MSH3: variants seen among roughly 807,000 people sequenced by gnomAD.
MSH3 encodes the protein mutS homolog 3.
Under a neutral mutation model 123.3 loss-of-function variants are expected in MSH3, and 106 were observed. That is an observed-to-expected ratio of 0.86 (90% CI 0.73 to 1.01). The LOEUF is 1.01. Among genes scored for constraint, MSH3 ranks in the 50% least tolerant of loss-of-function variants. The pLI is 0.00. For synonymous variants in MSH3, 515 were observed against 481.4 expected (o/e 1.07, Z -0.91); for missense variants, 1,459 against 1,347.6 (o/e 1.08, Z -1.29).
chr5:80,817,571 AAATT>A (rs1006909670), intron 20 of MSH3, among the ~76,000 whole-genome samples: 5 of 152,100 alleles, frequency 3.3e-5, no homozygotes, highest in African/African-American at 7.2e-5. Context: ...AAAAATAAAT[AAATT>A]AATTAATTAA....
chr5:80,730,125 C>A (rs539001540), intron 10 of MSH3, among the ~76,000 whole-genome samples: 1 of 152,282 alleles, frequency 6.6e-6, no homozygotes, highest in East Asian at 1.9e-4. Flanking sequence ...TAAAAGCAAT[C>A]TAAATGCCCA....
At chr5:80,678,873 C>T (rs1209605964) in intron 7 of MSH3, 54 bp from the exon 8 acceptor site, 5 of 1,587,482 alleles carry the variant, frequency 3.1e-6, no homozygotes, top group Non-Finnish European at 4.3e-6. Context: ...GTGTTATAGC[C>T]ATAACTGGGG....
intron 3 of MSH3, among the ~76,000 whole-genome samples, chr5:80,668,644 G>A (rs1458106681): frequency 6.6e-6 from 1 of 152,200 alleles, no homozygotes; most frequent in African/African-American, 2.4e-5. Context: ...GAGAGGCCAG[G>A]CAGTCGGAGC....
intron 20 of MSH3, among the ~76,000 whole-genome samples, chr5:80,833,175 C>T (rs1202283791): frequency 6.6e-6 from 1 of 152,008 alleles, no homozygotes; most frequent in Admixed American, 6.6e-5. Context: ...AGTCAGCTGC[C>T]ACTCCTAAAA....
rs1434492542 is a variant in MSH3, at chr5:80,768,911, G to A, written c.2161G>A (p.Gly721Ser). ...AAAAAAGAGGAAGGATGAAATTCAA[G>A]GTGTTATTGACGAGATCCGAATGCA... ...LIKKRKDEIQGVIDEIRMHLQ... is the reference protein window; with the variant it reads ...LIKKRKDEIQSVIDEIRMHLQ... The change falls in exon 15 of 24, where the codon GGT becomes AGT. Residue 721 changes from glycine (G) to serine (S), a missense_variant. Transcript: ENST00000265081. The A allele has an allele frequency of 1.9e-6, 3 of 1,612,258 alleles. No homozygotes were observed. Among genetic ancestry groups the A allele is most frequent in the Admixed American group, 3.3e-5 (2 of 59,986 alleles).
chr5:80,762,768 T>A (rs1744058502), intron 13 of MSH3, among the ~76,000 whole-genome samples: 2 of 147,788 alleles, frequency 1.4e-5, no homozygotes, highest in Admixed American at 1.3e-4. Context: ...TTATTTTATT[T>A]TATTTTAATT....
intron 8 of MSH3, among the ~76,000 whole-genome samples, chr5:80,719,126 C>G (rs1354711933): frequency 1.3e-5 from 2 of 151,568 alleles, no homozygotes; most frequent in Non-Finnish European, 2.9e-5. Flanking sequence ...CGGCTCAGTG[C>G]AACCCCCGCC....
chr5:80,822,680 A>G (rs367795638), intron 20 of MSH3, among the ~76,000 whole-genome samples: 43 of 152,332 alleles, frequency 2.8e-4, no homozygotes, highest in African/African-American at 9.9e-4. Context: ...AATCTCCCTG[A>G]CACTTTCCCT....
At chr5:80,659,125 T>TC (rs1244064250) in intron 2 of MSH3, among the ~76,000 whole-genome samples, 1 of 151,706 alleles carries the variant, frequency 6.6e-6, no homozygotes, top group Non-Finnish European at 1.5e-5. Context: ...TCCCAGCTAC[T>TC]CAGGAGGCTG....
At chr5:80,811,379 A>G (rs1185403811) in intron 19 of MSH3, among the ~76,000 whole-genome samples, 2 of 152,106 alleles carry the variant, frequency 1.3e-5, no homozygotes, top group Non-Finnish European at 2.9e-5. Flanking sequence ...GGTGAATTAC[A>G]TTGATTGGCT....
intron 21 of MSH3, among the ~76,000 whole-genome samples, chr5:80,862,134 G>A (rs1409343480): frequency 2.6e-5 from 4 of 152,078 alleles, no homozygotes; most frequent in Non-Finnish European, 5.9e-5. Context: ...GCACAGTGTC[G>A]GATCCCAGAC....
chr5:80,750,223 A>G (rs903784008), intron 12 of MSH3, among the ~76,000 whole-genome samples: 2 of 152,062 alleles, frequency 1.3e-5, no homozygotes, highest in Admixed American at 6.6e-5. Context: ...TTTCTTCAAC[A>G]TACTGATTTC....
At chr5:80,828,482 C>T (rs1005701436) in intron 20 of MSH3, among the ~76,000 whole-genome samples, 2 of 152,286 alleles carry the variant, frequency 1.3e-5, no homozygotes, top group Admixed American at 1.3e-4. Context: ...GCATTCTGCC[C>T]CTGGCCCCCA....
chr5:80,685,593 C>T (rs1279113708), intron 8 of MSH3, among the ~76,000 whole-genome samples: 1 of 151,722 alleles, frequency 6.6e-6, no homozygotes, highest in Admixed American at 6.6e-5. Context: ...CCAATTTTAT[C>T]TTTTCAAAAA....
At chr5:80,828,650 C>T (rs966448880) in intron 20 of MSH3, among the ~76,000 whole-genome samples, 2 of 152,180 alleles carry the variant, frequency 1.3e-5, no homozygotes, top group Non-Finnish European at 2.9e-5. Flanking sequence ...AACGTGTTAC[C>T]TACTTCCAAA....
chr5:80,840,524 G>A (rs1393040805), intron 20 of MSH3, among the ~76,000 whole-genome samples: 2 of 151,674 alleles, frequency 1.3e-5, no homozygotes, highest in Non-Finnish European at 2.9e-5. Flanking sequence ...AGCAATTCTC[G>A]TGCCTCAACC....
At chr5:80,670,370 G>A in intron 4 of MSH3, 61 bp downstream of exon 4, 2 of 1,526,356 alleles carry the variant, frequency 1.3e-6, no homozygotes, top group Non-Finnish European at 9.0e-7. Flanking sequence ...ATATTTTTCA[G>A]TATTTTTGTT....
At chr5:80,844,153 T>A (rs976967863) in intron 20 of MSH3, among the ~76,000 whole-genome samples, 7 of 152,158 alleles carry the variant, frequency 4.6e-5, no homozygotes, top group Non-Finnish European at 1.5e-5. Flanking sequence ...CATTTCATTA[T>A]GTACCCAGTA....
intron 13 of MSH3, among the ~76,000 whole-genome samples, chr5:80,762,275 G>T (rs1020550979): frequency 5.3e-5 from 8 of 151,916 alleles, no homozygotes; most frequent in African/African-American, 1.2e-4. Context: ...ATTTTTAAAT[G>T]ATAAAACACT....
Sources: gnomAD v4.1 joint callset for allele counts (sites outside exome capture counted in the v4.1 genomes callset) on GRCh38, gnomAD v4.1.1 for gene constraint, MANE v1.5 for transcripts, NCBI Gene and HGNC (gene_info 2026-07-23, HGNC 2026-07-21) for gene names.